Variants in ZNF700 observed in about 807,000 individuals in gnomAD.
ZNF700 encodes the protein zinc finger protein 700.
In ZNF700, 38 loss-of-function variants were observed where a neutral mutation model predicts 65.3. That is an observed-to-expected ratio of 0.58 (90% CI 0.45 to 0.76). ZNF700 has a LOEUF of 0.76. Ranked by LOEUF, ZNF700 falls within the 30% of genes least tolerant of loss-of-function variation. ZNF700 has a pLI of 0.00. For missense variants in ZNF700, 857 were observed against 888.4 expected, an observed-to-expected ratio of 0.96 and a Z score of 0.45; for synonymous variants, 285 against 290.4, an observed-to-expected ratio of 0.98 and a Z score of 0.19.
intron 1 of ZNF700, among the ~76,000 whole-genome samples, chr19:11,945,951 T>G (rs1972952898): frequency 6.6e-6 from 1 of 152,104 alleles, no homozygotes; most frequent in African/African-American, 2.4e-5. Flanking sequence ...TGGCTTCGAT[T>G]ATATCAATAG....
intron 1 of ZNF700, among the ~76,000 whole-genome samples, chr19:11,942,405 A>G (rs1288248789): frequency 6.6e-6 from 1 of 152,074 alleles, no homozygotes; most frequent in African/African-American, 2.4e-5. Flanking sequence ...CTACAGACCC[A>G]CAGTCCAAAG....
rs139329569 is a variant in ZNF700, at chr19:11,949,274, C to T, written c.1250C>T (p.Pro417Leu). 113 of 1,614,088 alleles carry T rather than the reference C, an allele frequency of 7.0e-5. No homozygotes were observed. The African/African-American group carries it at 1.3e-3, about 18-fold the overall frequency. Reference sequence around the variant, plus strand: ...GAAAGGATTCACACTGGAGAGAAACCCTATGAGTGTAAGCAGTGTGGGAAA... The same window carrying T: ...GAAAGGATTCACACTGGAGAGAAACTCTATGAGTGTAAGCAGTGTGGGAAA... ...YHERIHTGEKPYECKQCGKAF... is the reference protein window; with the variant it reads ...YHERIHTGEKLYECKQCGKAF... The change falls in exon 4 of 4, where the codon CCC becomes CTC. Residue 417 changes from proline (P) to leucine (L), a missense_variant. By Grantham distance (98) the Pro-to-Leu change is moderately conservative. This residue lies in a region of ZNF700 where 603 missense variants were observed against 619.9 expected (regional missense o/e 0.97). Transcript: ENST00000254321.
chr19:11,931,233 C>T (rs1283412188), intron 1 of ZNF700, among the ~76,000 whole-genome samples: 2 of 147,886 alleles, frequency 1.4e-5, no homozygotes, highest in Admixed American at 6.7e-5. Context: ...TTCTTGAGGT[C>T]ATGAAGTCCA....
chr19:11,939,607 C>T (rs562731969), intron 1 of ZNF700, among the ~76,000 whole-genome samples: 5 of 152,258 alleles, frequency 3.3e-5, no homozygotes, highest in South Asian at 2.1e-4. Flanking sequence ...GTACCAGTAC[C>T]ATGCTGTTGC....
At position 11,948,537 on chromosome 19, in the gene ZNF700, T is replaced by G. The variant is rs201240547; in HGVS notation, c.513T>G (p.Asn171Lys). 672 of 1,610,414 alleles carry G rather than the reference T, an allele frequency of 4.2e-4. 1 individual carries two copies. The highest frequency in any genetic ancestry group is 5.6e-4 in the Non-Finnish European group (658 of 1,179,262). Residue 171 changes from asparagine (N) to lysine (K), a missense_variant, in exon 4 of 4, where the codon AAT (asparagine) becomes AAG (lysine). Transcript: ENST00000254321. ...CATATAAGTGTCAACAACCTAAAAA[T>G]AAGAAAGCCTTCAGGTATCGCCCAT... ...PKPYKCQQPK[N>K]KKAFRYRPSI...
chr19:11,950,579 A>G lies in ZNF700; in HGVS notation c.*326A>G, dbSNP rs752448711. ...CCTTCAGATGTGCCTCGCACCTTCA[A>G]CGGCATGGAAGGGTTCACACTTGGG... On this transcript the variant is annotated 3_prime_UTR_variant, in exon 4 of 4. Transcript: ENST00000254321. The G allele has an allele frequency of 2.6e-4, 138 of 524,162 alleles. No individual in the cohort carries two copies. The highest frequency in any genetic ancestry group is 4.6e-4 in the Non-Finnish European group (127 of 275,810). The allele number at this position is 524,162 out of a possible 1,614,324, so 32.5% of individuals were successfully genotyped here.
At chr19:11,943,541 G>A (rs1055818605) in intron 1 of ZNF700, among the ~76,000 whole-genome samples, 9 of 152,006 alleles carry the variant, frequency 5.9e-5, no homozygotes, top group African/African-American at 2.2e-4. Flanking sequence ...AAAAGAACTA[G>A]TTTTTAAATC....
intron 1 of ZNF700, among the ~76,000 whole-genome samples, chr19:11,945,354 A>G (rs1568296293): frequency 6.6e-6 from 1 of 152,220 alleles, no homozygotes. Context: ...TAGGCTGCAG[A>G]TGACCTGCTT....
intron 1 of ZNF700, among the ~76,000 whole-genome samples, chr19:11,925,578 G>A (rs1383445655): frequency 2.0e-5 from 3 of 152,252 alleles, no homozygotes; most frequent in African/African-American, 7.2e-5. Flanking sequence ...AGCAACGGGA[G>A]GGTCATGGAG....
chr19:11,927,150 C>G (rs566596502), intron 1 of ZNF700, among the ~76,000 whole-genome samples: 1 of 152,022 alleles, frequency 6.6e-6, no homozygotes, highest in Non-Finnish European at 1.5e-5. Context: ...GTCAGGAGTT[C>G]GAGACCAGCC....
rs968494787 is a variant in ZNF700, at chr19:11,933,477, G to A, written c.63+8204G>A. 7.4e-5 allele frequency among the ~76,000 whole-genome samples: 11 copies of A among 147,710 alleles called. 1 individual carries two copies. Among genetic ancestry groups the A allele is most frequent in the African/African-American group, 1.6e-4 (6 of 37,512 alleles). The stretch of plus-strand genomic sequence containing the variant: ...CACCATCACAGTCTTATACAGAAGC[G>A]TGTCACAGGCCTCAAAATCCCCTGT... On this transcript the variant is annotated intron_variant, in intron 1 of 3. Transcript: ENST00000254321.
chr19:11,949,859 G>A lies in ZNF700; in HGVS notation c.1835G>A (p.Arg612Lys). The A allele has an allele frequency of 1.2e-6, 2 of 1,613,914 alleles. No individual in the cohort carries two copies. Among genetic ancestry groups the A allele is most frequent in the South Asian group, 2.2e-5 (2 of 91,076 alleles). The change falls in exon 4 of 4, where the codon AGG (arginine) becomes AAG (lysine). Residue 612 changes from arginine to lysine, a missense_variant. Arg to Lys is a conservative substitution (Grantham distance 26). Transcript: ENST00000254321. ...GCCTCAAACCTTCGAAAGCATGGTA[G>A]GACTCACACTGGAGAGAAACCCTAT... ...SCASNLRKHG[R>K]THTGEKPYEC...
At chr19:11,926,776 G>A (rs1237136567) in intron 1 of ZNF700, 3 of 154,138 alleles carry the variant, frequency 1.9e-5, no homozygotes, top group Non-Finnish European at 2.9e-5. Context: ...ATGCTTGATT[G>A]GTTGCAGAGA....
chr19:11,934,375 G>A (rs565094227), intron 1 of ZNF700, among the ~76,000 whole-genome samples: 5 of 148,102 alleles, frequency 3.4e-5, no homozygotes, highest in African/African-American at 5.3e-5. Context: ...ACTGTCTTCC[G>A]AATTGGCTGT....
At position 11,950,022 on chromosome 19, in the gene ZNF700, TGAAAG is replaced by T. The variant is rs761987190; in HGVS notation, c.2002_2006del (p.Arg668AlafsTer8). 1.6e-4 allele frequency: 266 copies of T among 1,614,016 alleles called. No homozygotes were observed. Among genetic ancestry groups the T allele is most frequent in the Middle Eastern group, 3.3e-4 (2 of 6,062 alleles). On this transcript the variant is annotated frameshift_variant, in exon 4 of 4. Transcript: ENST00000254321. LOFTEE classifies it high-confidence loss of function. ...GTAAATTCTCTTCTTTTCAAATACA[TGAAAG>T]GAAGCACAGAGGAGAGAAGCCCTAT...
intron 1 of ZNF700, among the ~76,000 whole-genome samples, chr19:11,934,960 C>T (rs60466185): frequency 6.8e-6 from 1 of 147,106 alleles, no homozygotes; most frequent in Admixed American, 6.6e-5. Flanking sequence ...GCGGGTGGAT[C>T]AGGAGGTCAG....
At chr19:11,925,721 G>A (rs544096029) in intron 1 of ZNF700, among the ~76,000 whole-genome samples, 2 of 152,172 alleles carry the variant, frequency 1.3e-5, no homozygotes. Context: ...AGCAAACAGC[G>A]ATTCACGAAT....
chr19:11,950,420 C>G lies in ZNF700; in HGVS notation c.*167C>G. The G allele has an allele frequency of 1.3e-6, 1 of 771,226 alleles. No homozygotes were observed. The allele number at this position is 771,226 out of a possible 1,614,324, so 47.8% of individuals were successfully genotyped here. A position where few individuals can be genotyped will look rare whatever the true frequency, so the allele number is the denominator to read the frequency against. ...AAGCAGTGTGGGAAAGCCTTCATTC[C>G]TTTTACTTCTTTTCAATGTCATGAA... is the stretch of plus-strand genomic sequence containing the variant. On this transcript the variant is annotated 3_prime_UTR_variant, in exon 4 of 4. Transcript: ENST00000254321.
chr19:11,928,657 G>A (rs1486962363), intron 1 of ZNF700, among the ~76,000 whole-genome samples: 3 of 145,478 alleles, frequency 2.1e-5, no homozygotes, highest in Non-Finnish European at 3.0e-5. Flanking sequence ...GCGTGAACCC[G>A]GGAGGCGGAG....
Sources: allele counts gnomAD v4.1 joint callset (sites outside exome capture counted in the v4.1 genomes callset), GRCh38; gene constraint gnomAD v4.1.1; regional missense constraint gnomAD v4.1.1; transcripts MANE v1.5; gene names NCBI Gene and HGNC (gene_info 2026-07-23, HGNC 2026-07-21).